EPPK1: variants seen among roughly 807,000 people sequenced by gnomAD.
EPPK1 encodes the protein epiplakin.
For synonymous variants in EPPK1, 1,862 were observed against 1,721.2 expected, an observed-to-expected ratio of 1.08 and a Z score of -2.03; for missense variants, 3,823 against 3,673.3, an observed-to-expected ratio of 1.04 and a Z score of -1.05.
In EPPK1 at chr8:143,871,775, C is replaced by T. The variant is rs189814391; in HGVS notation, c.1479G>A (p.Thr493=). Residue 493 remains threonine, a synonymous_variant, in exon 2 of 2, where the codon ACG becomes ACA. Coordinates refer to ENST00000615648, the MANE Select transcript of EPPK1 (RefSeq NM_031308.4). ...IKYSTRQALS[T]ATATVSVGKF... is the part of the protein sequence containing the mutation. ...TCCCCACAGAGACGGTGGCTGTGGCCGTGCTCAGGGCCTGCCGAGTGCTGT... is the reference window on the plus strand; with the variant it reads ...TCCCCACAGAGACGGTGGCTGTGGCTGTGCTCAGGGCCTGCCGAGTGCTGT... The T allele has an allele frequency of 1.4e-5, 22 of 1,611,036 alleles. No homozygotes were observed. Among genetic ancestry groups the T allele is most frequent in the Middle Eastern group, 3.3e-4 (2 of 6,076 alleles).
At chr8:143,876,970 C>A (rs1164515066) in intron 1 of EPPK1, among the ~76,000 whole-genome samples, 1 of 152,218 alleles carries the variant, frequency 6.6e-6, no homozygotes, top group African/African-American at 2.4e-5. Context: ...AGACAGGCCG[C>A]GTGCTAAGCG....
rs1819102723 is a variant in EPPK1, at chr8:143,866,305, G to T, written c.6949C>A (p.Gln2317Lys). The change falls in exon 2 of 2, where the codon CAG (glutamine) becomes AAG (lysine). Residue 2317 changes from glutamine (Q) to lysine (K), a missense_variant. Transcript: ENST00000615648. ...ATGGCCTGGAAGAGGGAGATCTGCT[G>T]CCCGGTGTAGGGGTCGGTGTAGCCG... ...VTGYTDPYTGQQISLFQAMQK... is the reference protein window; with the variant it reads ...VTGYTDPYTGKQISLFQAMQK... The T allele has an allele frequency of 3.9e-6, 2 of 515,070 alleles. No individual in the cohort carries two copies. The highest frequency in any genetic ancestry group is 3.2e-6 in the Non-Finnish European group (1 of 310,162). The allele number at this position is 515,070 out of a possible 1,614,324, so 31.9% of individuals were successfully genotyped here. A position where few individuals can be genotyped will look rare whatever the true frequency, so the allele number is the denominator to read the frequency against.
Position 143,868,408 on chromosome 8 carries a change from C to T in EPPK1, c.4846G>A (p.Asp1616Asn), listed in dbSNP as rs371726560. 9.9e-6 allele frequency: 16 copies of T among 1,612,426 alleles called. No homozygotes were observed. In the African/African-American group the frequency reaches 1.5e-4, roughly 15 times the overall value. Residue 1616 changes from aspartate to asparagine, a missense_variant, in exon 2 of 2, where the codon GAC (aspartate) becomes AAC (asparagine). Transcript: ENST00000615648. ...EAQAATGFIIDPVENRKLTVE... is the reference protein window; with the variant it reads ...EAQAATGFIINPVENRKLTVE... Reference sequence around the variant, plus strand: ...GTCAGCTTCCGGTTCTCCACGGGGTCGATGATGAAGCCGGTAGCTGCCTGT... The same window carrying T: ...GTCAGCTTCCGGTTCTCCACGGGGTTGATGATGAAGCCGGTAGCTGCCTGT...
In EPPK1 at chr8:143,871,922, G is replaced by A. The variant is rs1554661358; in HGVS notation, c.1332C>T (p.Gly444=). The A allele has an allele frequency of 1.1e-5, 17 of 1,603,806 alleles. No individual in the cohort carries two copies. The highest frequency in any genetic ancestry group is 2.2e-5 in the East Asian group (1 of 44,814). The part of the protein sequence containing the change: ...QAGSFSDGTH[G]GLRYEQLLAL... ...CCAGCAGCTGTTCATAGCGCAGGCC[G>A]CCGTGCGTGCCGTCTGAGAAGCTGC... The change falls in exon 2 of 2, where the codon GGC becomes GGT. Residue 444 remains glycine (G), a synonymous_variant. Coordinates refer to ENST00000615648, the MANE Select transcript of EPPK1 (RefSeq NM_031308.4).
chr8:143,873,158 G>T lies in EPPK1; in HGVS notation c.96C>A (p.Ala32=), dbSNP rs781933989. 4 of 1,591,670 alleles carry T rather than the reference G, an allele frequency of 2.5e-6. No individual in the cohort carries two copies. The highest frequency in any genetic ancestry group is 4.5e-5 in the East Asian group (2 of 44,772). Residue 32 remains alanine, a synonymous_variant, in exon 2 of 2, where the codon GCC becomes GCA. Transcript: ENST00000615648. Reference sequence around the variant, plus strand: ...TGGCCTGGGGCCTGGGGGGCGTGCCGGCTCCCAGCGTGGCTGCCATGGCTC... The same window carrying T: ...TGGCCTGGGGCCTGGGGGGCGTGCCTGCTCCCAGCGTGGCTGCCATGGCTC... ...VPRAMAATLG[A]GTPPRPQARS... is the part of the protein sequence containing the mutation.
rs1554659957 is a variant in EPPK1 at position 143,868,487 on chromosome 8, C to A, written c.4767G>T (p.Glu1589Asp). The change falls in exon 2 of 2, where the codon GAG (glutamate) becomes GAT (aspartate). Residue 1589 changes from glutamate to aspartate, a missense_variant. Coordinates refer to ENST00000615648, the MANE Select transcript of EPPK1 (RefSeq NM_031308.4). ...GCCGCAGGATGTGCCTCCTCAGGGC[C>A]TCTGGGATGCTCATCCTCTCCTGGG... ...QGTQERMSIP[E>D]ALRRHILRPG... 6.2e-7 allele frequency: 1 copy of A among 1,611,380 alleles called. No homozygotes were observed. The highest frequency in any genetic ancestry group is 8.5e-7 in the Non-Finnish European group (1 of 1,179,434).
rs1819415406 is a variant in EPPK1, at chr8:143,873,188, TAC to T, written c.64_65del (p.Val22ThrfsTer94). ...PGTNSTEQASVPRAMAATLGA... is the reference protein window; with the variant it reads ...PGTNSTEQASXPRAMAATLGA... Reference sequence around the variant, plus strand: ...CCAGCGTGGCTGCCATGGCTCTGGGTACACTGGCCTGCTCTGTGCTGTTGGTG... The same window carrying T: ...CCAGCGTGGCTGCCATGGCTCTGGGTACTGGCCTGCTCTGTGCTGTTGGTG... On this transcript the variant is annotated frameshift_variant, in exon 2 of 2. Transcript: ENST00000615648. LOFTEE classifies it low-confidence loss of function (END_TRUNC). The T allele has an allele frequency of 6.3e-7, 1 of 1,596,418 alleles. No individual in the cohort carries two copies. The highest frequency in any genetic ancestry group is 8.5e-7 in the Non-Finnish European group (1 of 1,173,694).
chr8:143,867,206 G>A lies in EPPK1; in HGVS notation c.6048C>T (p.Val2016=). 6.2e-7 allele frequency: 1 copy of A among 1,612,716 alleles called. No homozygotes were observed. The highest frequency in any genetic ancestry group is 8.5e-7 in the Non-Finnish European group (1 of 1,179,818). Residue 2016 remains valine, a synonymous_variant, in exon 2 of 2, where the codon GTC becomes GTT. Coordinates refer to ENST00000615648, the MANE Select transcript of EPPK1 (RefSeq NM_031308.4). ...GCCGGTGGTGGTGCTGTGGGTCGAT[G>A]ACACCCCCCGTGGCCACCTGCACCT... is the stretch of plus-strand genomic sequence containing the variant. ...LLEVQVATGG[V]IDPQHHHRLP... is the part of the protein sequence containing the mutation.
rs782171305 is a variant in EPPK1 at position 143,858,086 on chromosome 8, G to T, written c.15168C>A (p.Asp5056Glu). 6.2e-7 allele frequency: 1 copy of T among 1,613,540 alleles called. No individual in the cohort carries two copies. Among genetic ancestry groups the T allele is most frequent in the Admixed American group, 1.7e-5 (1 of 60,036 alleles). ...DPSDDTKGFF[D>E]PNTHENLTYL... ...ACGTGAGGTTCTCGTGCGTGTTGGG[G>T]TCGAAGAAGCCCTTGGTGTCGTCGC... Residue 5056 changes from aspartate to glutamate, a missense_variant, in exon 2 of 2, where the codon GAC becomes GAA. Asp to Glu is a conservative substitution (Grantham distance 45). Transcript: ENST00000615648.
In EPPK1 at chr8:143,869,265, G is replaced by C. The variant is rs1554660277; in HGVS notation, c.3989C>G (p.Pro1330Arg). The C allele has an allele frequency of 6.2e-7, 1 of 1,607,632 alleles. No homozygotes were observed. Among genetic ancestry groups the C allele is most frequent in the Non-Finnish European group, 8.5e-7 (1 of 1,177,266 alleles). ...AERAAAGYPD[P>R]YSRASLSLWQ... is the part of the protein sequence containing the mutation. ...CAGAGAGAGGGAGGCCCTAGAGTAGGGATCTGGGTACCCGGCCGCCGCCCT... is the reference window on the plus strand; with the variant it reads ...CAGAGAGAGGGAGGCCCTAGAGTAGCGATCTGGGTACCCGGCCGCCGCCCT... Residue 1330 changes from proline to arginine, a missense_variant, in exon 2 of 2, where the codon CCC (proline) becomes CGC (arginine). Coordinates refer to ENST00000615648, the MANE Select transcript of EPPK1 (RefSeq NM_031308.4).
At position 143,869,191 on chromosome 8, in the gene EPPK1, G is replaced by A; in HGVS notation, c.4063C>T (p.Leu1355Phe). 6.2e-7 allele frequency: 1 copy of A among 1,609,484 alleles called. No homozygotes were observed. ...GLVPQNEGLP[L>F]LQVQLATGGV... ...CCTGTGGCCAGCTGCACCTGCAGGA[G>A]GGGCAAGCCCTCGTTCTGTGGCACG... Residue 1355 changes from leucine (L) to phenylalanine (F), a missense_variant, in exon 2 of 2, where the codon CTC becomes TTC. Physicochemically the swap from Leu to Phe is conservative, Grantham distance 22 (BLOSUM62 0). Transcript: ENST00000615648.
Position 143,869,252 on chromosome 8 carries a change from G to A in EPPK1, c.4002C>T (p.Ala1334=). The change falls in exon 2 of 2, where the codon GCC becomes GCT. Residue 1334 remains alanine, a synonymous_variant. Coordinates refer to ENST00000615648, the MANE Select transcript of EPPK1 (RefSeq NM_031308.4). ...AAGYPDPYSR[A]SLSLWQAMEK... is the part of the protein sequence containing the mutation. Reference sequence around the variant, plus strand: ...CCATGGCCTGCCACAGAGAGAGGGAGGCCCTAGAGTAGGGATCTGGGTACC... The same window carrying A: ...CCATGGCCTGCCACAGAGAGAGGGAAGCCCTAGAGTAGGGATCTGGGTACC... The A allele has an allele frequency of 3.7e-6, 6 of 1,610,184 alleles. No homozygotes were observed. The highest frequency in any genetic ancestry group is 5.1e-6 in the Non-Finnish European group (6 of 1,179,060).
rs782407539 is a variant in EPPK1 at position 143,871,069 on chromosome 8, C to T, written c.2185G>A (p.Val729Ile). Residue 729 changes from valine (V) to isoleucine (I), a missense_variant, in exon 2 of 2, where the codon GTC (valine) becomes ATC (isoleucine). Transcript: ENST00000615648. Reference protein sequence around the residue: ...LLEAQIATGGVIDPVHSHRVP... With the variant: ...LLEAQIATGGIIDPVHSHRVP... Reference sequence around the variant, plus strand: ...CGGTGGCTGTGCACGGGGTCGATGACGCCGCCCGTGGCGATCTGGGCCTCC... The same window carrying T: ...CGGTGGCTGTGCACGGGGTCGATGATGCCGCCCGTGGCGATCTGGGCCTCC... The T allele has an allele frequency of 2.0e-5, 32 of 1,612,784 alleles. No homozygotes were observed. Among genetic ancestry groups the T allele is most frequent in the African/African-American group, 1.7e-4 (13 of 74,926 alleles).
Position 143,869,277 on chromosome 8 carries a change from C to T in EPPK1, c.3977G>A (p.Gly1326Glu), listed in dbSNP as rs782720760. 22 of 1,605,308 alleles carry T rather than the reference C, an allele frequency of 1.4e-5. No homozygotes were observed. Among genetic ancestry groups the T allele is most frequent in the Non-Finnish European group, 1.8e-5 (21 of 1,175,952 alleles). Residue 1326 changes from glycine (G) to glutamate (E), a missense_variant, in exon 2 of 2, where the codon GGG (glycine) becomes GAG (glutamate). Transcript: ENST00000615648. ...GGCCCTAGAGTAGGGATCTGGGTAC[C>T]CGGCCGCCGCCCTCTCGGCCTGCCC... ...QLGQAERAAA[G>E]YPDPYSRASL...
At position 143,865,057 on chromosome 8, in the gene EPPK1, G is replaced by A. The variant is rs1819072461; in HGVS notation, c.8197C>T (p.Leu2733=). Residue 2733 remains leucine (L), a synonymous_variant, in exon 2 of 2, where the codon CTG becomes TTG. Coordinates refer to ENST00000615648, the MANE Select transcript of EPPK1 (RefSeq NM_031308.4). ...TTAGTGCCCTGGGCCAGGTCCCGCA[G>A]GGTCTCGGGGCCCAGGATCCCGGAC... The part of the protein sequence containing the change: ...HTSGILGPET[L]RDLAQGTKTL... 1 of 383,118 alleles carries A rather than the reference G, an allele frequency of 2.6e-6. No homozygotes were observed. The highest frequency in any genetic ancestry group is 4.5e-6 in the Non-Finnish European group (1 of 222,216). 23.7% of individuals were successfully genotyped at this position (383,118 alleles called of 1,614,324 possible). A position where few individuals can be genotyped will look rare whatever the true frequency, so the allele number is the denominator to read the frequency against.
chr8:143,870,427 G>A lies in EPPK1; in HGVS notation c.2827C>T (p.Arg943Trp), dbSNP rs369413834. 37 of 1,594,032 alleles carry A rather than the reference G, an allele frequency of 2.3e-5. No individual in the cohort carries two copies. Among genetic ancestry groups the A allele is most frequent in the Middle Eastern group, 3.5e-4 (2 of 5,646 alleles). ...CTCATGGCCTGGTAGAGGCTGAGCCGCTGGCCAGAGGGCAGCAGCCGCACA... is the reference window on the plus strand; with the variant it reads ...CTCATGGCCTGGTAGAGGCTGAGCCACTGGCCAGAGGGCAGCAGCCGCACA... Reference protein sequence around the residue: ...GGVRLLPSGQRLSLYQAMRQK... With the variant: ...GGVRLLPSGQWLSLYQAMRQK... Residue 943 changes from arginine to tryptophan, a missense_variant, in exon 2 of 2, where the codon CGG (arginine) becomes TGG (tryptophan). Physicochemically the swap from Arg to Trp is moderately radical, Grantham distance 101. Transcript: ENST00000615648. This position sits in a 1 kb window ranked among gnomAD's most constrained non-coding sequence, Gnocchi z 5.2.
Position 143,869,397 on chromosome 8 carries a change from G to T in EPPK1, c.3857C>A (p.Ser1286Tyr). 1 of 1,609,106 alleles carries T rather than the reference G, an allele frequency of 6.2e-7. No homozygotes were observed. The highest frequency in any genetic ancestry group is 1.7e-5 in the Admixed American group (1 of 59,828). ...GTTCAGGGGGTCAACAAGGAAGCCAGATGCCACCTGGGCTTCCAGCAGCCT... is the reference window on the plus strand; with the variant it reads ...GTTCAGGGGGTCAACAAGGAAGCCATATGCCACCTGGGCTTCCAGCAGCCT... ...GQRLLEAQVA[S>Y]GFLVDPLNNQ... is the part of the protein sequence containing the mutation. The change falls in exon 2 of 2, where the codon TCT (serine) becomes TAT (tyrosine). Residue 1286 changes from serine (S) to tyrosine (Y), a missense_variant. Coordinates refer to ENST00000615648, the MANE Select transcript of EPPK1 (RefSeq NM_031308.4).
chr8:143,861,866 CTCGGG>C lies in EPPK1; in HGVS notation c.11383_11387del (p.Pro3795AspfsTer10). The stretch of plus-strand genomic sequence containing the variant: ...TGCCCTGGGCCAGGTCCCGCAGGGT[CTCGGG>C]GCCCAGGATCCCGGACGTGTGCAGC... On this transcript the variant is annotated frameshift_variant, in exon 2 of 2. Coordinates refer to ENST00000615648, the MANE Select transcript of EPPK1 (RefSeq NM_031308.4). LOFTEE classifies it low-confidence loss of function (END_TRUNC). 2.4e-5 allele frequency: 5 copies of C among 206,058 alleles called. No individual in the cohort carries two copies. The highest frequency in any genetic ancestry group is 3.7e-5 in the Non-Finnish European group (5 of 135,078). 12.8% of individuals were successfully genotyped at this position (206,058 alleles called of 1,614,324 possible).
In EPPK1 at chr8:143,869,747, C is replaced by T; in HGVS notation, c.3507G>A (p.Arg1169=). The T allele has an allele frequency of 1.2e-6, 2 of 1,601,092 alleles. No homozygotes were observed. The highest frequency in any genetic ancestry group is 1.7e-6 in the Non-Finnish European group (2 of 1,174,860). Residue 1169 remains arginine, a synonymous_variant, in exon 2 of 2, where the codon AGG becomes AGA. Transcript: ENST00000615648. ...RGLLEDVQEG[R]TTVPQLLASV... Reference sequence around the variant, plus strand: ...AGGCTAGCAGCTGTGGCACAGTGGTCCTCCCCTCCTGCACGTCCTCCAGCA... The same window carrying T: ...AGGCTAGCAGCTGTGGCACAGTGGTTCTCCCCTCCTGCACGTCCTCCAGCA...
Sources: gnomAD v4.1 joint callset for allele counts (sites outside exome capture counted in the v4.1 genomes callset) on GRCh38, gnomAD v4.1.1 for gene constraint, Gnocchi (gnomAD v3.1) non-coding constraint, MANE v1.5 for transcripts, NCBI Gene and HGNC (gene_info 2026-07-23, HGNC 2026-07-21) for gene names.